Variants in AKR1C4 observed in about 807,000 individuals in gnomAD.
AKR1C4 encodes 3-alpha-HSD1.
A neutral mutation model predicts 41.0 loss-of-function variants in AKR1C4; 44 were observed. That is an observed-to-expected ratio of 1.07 (90% CI 0.84 to 1.38). AKR1C4 has a LOEUF of 1.38. AKR1C4 is among the 40% of genes most tolerant of loss of function. The pLI is 0.00. For synonymous variants in AKR1C4, 165 were observed against 137.7 expected, an observed-to-expected ratio of 1.20 and a Z score of -1.39; for missense variants, 438 against 387.9, an observed-to-expected ratio of 1.13 and a Z score of -1.09.
intron 2 of AKR1C4, among the ~76,000 whole-genome samples, chr10:5,203,421 T>C (rs1340212078): frequency 6.6e-6 from 1 of 152,198 alleles, no homozygotes; most frequent in African/African-American, 2.4e-5. Context: ...TTGTGACACT[T>C]GTCACTGCCG....
At chr10:5,201,714 T>G (rs1434895242) in intron 2 of AKR1C4, among the ~76,000 whole-genome samples, 2 of 152,152 alleles carry the variant, frequency 1.3e-5, no homozygotes, top group African/African-American at 4.8e-5. Flanking sequence ...AGTTTTCCAA[T>G]GTTATCTTCT....
chr10:5,214,622 C>T (rs536619516), intron 7 of AKR1C4, among the ~76,000 whole-genome samples: 7 of 152,154 alleles, frequency 4.6e-5, no homozygotes, highest in African/African-American at 7.2e-5. Context: ...TTAAGGCATT[C>T]GTGTATGTTT....
rs1247282924 is a variant in AKR1C4, at chr10:5,213,252, A to C, written c.846+93A>C. On this transcript the variant is annotated intron_variant, in intron 7 of 8. Transcript: ENST00000263126. ...CTCAGGACACCCTTGGACTAAGTCC[A>C]CTTCCTGGGCATTTCCTATGCACAA... 2.6e-6 allele frequency: 4 copies of C among 1,539,372 alleles called. No individual in the cohort carries two copies. The South Asian group carries it at 3.7e-5, about 14-fold the overall frequency.
In AKR1C4 at chr10:5,208,764, CATAA is replaced by C. The variant is rs1832526498; in HGVS notation, c.570+2371_570+2374del. Among the ~76,000 whole-genome samples, 6 of 150,876 alleles carry C rather than the reference CATAA, an allele frequency of 4.0e-5. No individual in the cohort carries two copies. The South Asian group carries it at 1.0e-3, about 26-fold the overall frequency. ...AGATCTCTTATACCTCTATTTTAAC[CATAA>C]ATAGAAGATGAAAAAATTTAAAGAT... On this transcript the variant is annotated intron_variant, in intron 5 of 8. Transcript: ENST00000263126.
chr10:5,213,537 CTT>C (rs1372796510), intron 7 of AKR1C4, among the ~76,000 whole-genome samples: 4 of 152,094 alleles, frequency 2.6e-5, no homozygotes, highest in African/African-American at 9.7e-5. Flanking sequence ...TATTTATTCT[CTT>C]AGAATTATTT....
At chr10:5,202,462 G>A in intron 2 of AKR1C4, 2 of 455,720 alleles carry the variant, frequency 4.4e-6, no homozygotes, top group South Asian at 3.1e-5. Context: ...GCAATACTTT[G>A]GCTTATCCTT....
Position 5,218,846 on chromosome 10 carries a change from C to A in AKR1C4, c.*86C>A. The A allele has an allele frequency of 7.2e-7, 1 of 1,386,752 alleles. No individual in the cohort carries two copies. The highest frequency in any genetic ancestry group is 1.0e-6 in the Non-Finnish European group (1 of 979,328). The allele number at this position is 1,386,752 out of a possible 1,614,324, so 85.9% of individuals were successfully genotyped here. ...ATGTCTCTATGCTGGTGACTGGACA[C>A]ACAGCCTCTGGTTAAATCCCTCCCC... On this transcript the variant is annotated 3_prime_UTR_variant, in exon 9 of 9. Transcript: ENST00000263126.
intron 7 of AKR1C4, 60 bp downstream of exon 7, chr10:5,213,219 G>A: frequency 6.3e-7 from 1 of 1,595,514 alleles, no homozygotes; most frequent in Non-Finnish European, 8.6e-7. Context: ...TGTGCTTCTT[G>A]TAAGGTTCTC....
intron 1 of AKR1C4, among the ~76,000 whole-genome samples, chr10:5,197,540 C>G (rs1159376787): frequency 6.6e-6 from 1 of 152,174 alleles, no homozygotes; most frequent in Non-Finnish European, 1.5e-5. Flanking sequence ...TAAGGAAAAC[C>G]TAGAACCTCA....
chr10:5,213,264 T>C (rs1311818805), intron 7 of AKR1C4, 105 bp downstream of exon 7: 16 of 1,509,554 alleles, frequency 1.1e-5, no homozygotes, highest in Non-Finnish European at 1.2e-5. Flanking sequence ...TTCCTGGGCA[T>C]TTCCTATGCA....
In AKR1C4 at chr10:5,203,025, T is replaced by C. The variant is rs183833833; in HGVS notation, c.253-1352T>C. Reference sequence around the variant, plus strand: ...TTGGTATTTGGTGATACTGGCTTCATAGAATAATTTAGGCAGGATTCCCTC... The same window carrying C: ...TTGGTATTTGGTGATACTGGCTTCACAGAATAATTTAGGCAGGATTCCCTC... On this transcript the variant is annotated intron_variant, in intron 2 of 8. Coordinates refer to ENST00000263126, the MANE Select transcript of AKR1C4 (RefSeq NM_001818.5). Among the ~76,000 whole-genome samples the C allele has an allele frequency of 3.9e-4, 59 of 151,526 alleles. 2 individuals are homozygous for C. Among genetic ancestry groups the C allele is most frequent in the African/African-American group, 1.4e-3 (57 of 41,238 alleles).
At chr10:5,207,074 G>A (rs782264681) in intron 5 of AKR1C4, 20 of 154,648 alleles carry the variant, frequency 1.3e-4, no homozygotes, top group Admixed American at 1.9e-4. Flanking sequence ...ACTCCAAAAC[G>A]GGAGTCTTAT....
intron 8 of AKR1C4, among the ~76,000 whole-genome samples, 158 bp downstream of exon 8, chr10:5,216,951 GCT>G (rs1832665793): frequency 6.6e-6 from 1 of 152,210 alleles, no homozygotes; most frequent in African/African-American, 2.4e-5. Flanking sequence ...TCACTCCAGA[GCT>G]CTGTTCTCTG....
chr10:5,196,891 A>G lies in AKR1C4; in HGVS notation c.24A>G (p.Val8=), dbSNP rs2132120549. The G allele has an allele frequency of 6.2e-7, 1 of 1,614,170 alleles. No individual in the cohort carries two copies. Among genetic ancestry groups the G allele is most frequent in the Non-Finnish European group, 8.5e-7 (1 of 1,179,972 alleles). MDPKYQR[V]ELNDGHFMPV... is the part of the protein sequence containing the mutation. Reference sequence around the variant, plus strand: ...CAATGGATCCCAAATATCAGCGTGTAGAGCTAAATGATGGTCACTTCATGC... The same window carrying G: ...CAATGGATCCCAAATATCAGCGTGTGGAGCTAAATGATGGTCACTTCATGC... Residue 8 remains valine, a synonymous_variant, in exon 1 of 9, where the codon GTA becomes GTG. Coordinates refer to ENST00000263126, the MANE Select transcript of AKR1C4 (RefSeq NM_001818.5).
In AKR1C4 at chr10:5,204,365, T is replaced by C; in HGVS notation, c.253-12T>C. ...TTTTTATTCAACATAAATCCTTTAT[T>C]TTACCATGCAGCTTTGGTGCACTTT... On this transcript the variant is annotated splice_polypyrimidine_tract_variant and intron_variant, in intron 2 of 8. Coordinates refer to ENST00000263126, the MANE Select transcript of AKR1C4 (RefSeq NM_001818.5). 1 of 1,584,408 alleles carries C rather than the reference T, an allele frequency of 6.3e-7. No individual in the cohort carries two copies. Among genetic ancestry groups the C allele is most frequent in the Non-Finnish European group, 8.6e-7 (1 of 1,156,146 alleles).
intron 3 of AKR1C4, among the ~76,000 whole-genome samples, chr10:5,205,438 A>G (rs1275330707): frequency 6.6e-6 from 1 of 152,214 alleles, no homozygotes; most frequent in African/African-American, 2.4e-5. Context: ...CTGGATATCA[A>G]GGGCTGTTTG....
At chr10:5,197,065 C>A in intron 1 of AKR1C4, 114 bp downstream of exon 1, 1 of 983,860 alleles carries the variant, frequency 1.0e-6, no homozygotes, top group South Asian at 1.3e-5. Context: ...CTCACGTGGT[C>A]TGTCTTACTG....
At chr10:5,198,746 C>T (rs1211766904) in intron 1 of AKR1C4, among the ~76,000 whole-genome samples, 1 of 152,126 alleles carries the variant, frequency 6.6e-6, no homozygotes, top group Non-Finnish European at 1.5e-5. Context: ...GTGACTCATG[C>T]CTGTAATCCC....
intron 7 of AKR1C4, among the ~76,000 whole-genome samples, chr10:5,214,672 C>A (rs1832628864): frequency 6.7e-6 from 1 of 149,184 alleles, no homozygotes; most frequent in Non-Finnish European, 1.5e-5. Flanking sequence ...TTTTAATAGT[C>A]TTTGGATAAC....
Sources: allele counts gnomAD v4.1 joint callset (sites outside exome capture counted in the v4.1 genomes callset), GRCh38; gene constraint gnomAD v4.1.1; transcripts MANE v1.5; gene names NCBI Gene and HGNC (gene_info 2026-07-23, HGNC 2026-07-21).